Variants in ALK observed in about 807,000 individuals in gnomAD.
ALK encodes the protein ALK tyrosine kinase receptor.
ALK carries 74 observed loss-of-function variants against 163.1 expected under a neutral mutation model. The ratio of observed to expected loss-of-function variants is 0.45; its 90% CI spans 0.38 to 0.55. The LOEUF (loss-of-function observed/expected upper bound fraction) is 0.55, where lower values mean the gene tolerates loss of function less well. Ranked by LOEUF, ALK falls within the 20% of genes least tolerant of loss-of-function variation. The pLI, the probability that ALK is intolerant of heterozygous loss-of-function variation, is 0.00. For synonymous variants in ALK, 960 were observed against 843.2 expected, an observed-to-expected ratio of 1.14 and a Z score of -2.40; for missense variants, 2,063 against 2,105.3, an observed-to-expected ratio of 0.98 and a Z score of 0.39.
chr2:29,757,349 C>T (rs756713889), intron 1 of ALK, among the ~76,000 whole-genome samples: 1 of 152,086 alleles, frequency 6.6e-6, no homozygotes, highest in African/African-American at 2.4e-5. Flanking sequence ...TTGCAGTTGA[C>T]AAAGCCGAGG....
intron 4 of ALK, among the ~76,000 whole-genome samples, chr2:29,471,489 C>T (rs979130803): frequency 6.6e-6 from 1 of 152,166 alleles, no homozygotes; most frequent in Non-Finnish European, 1.5e-5. Flanking sequence ...ATTCTCAAAA[C>T]TCAATCCATA....
intron 1 of ALK, among the ~76,000 whole-genome samples, chr2:29,916,112 T>C (rs1402082738): frequency 2.0e-5 from 3 of 152,204 alleles, no homozygotes; most frequent in Non-Finnish European, 4.4e-5. Flanking sequence ...TGTGAAAATA[T>C]AGAACTGATT....
intron 4 of ALK, among the ~76,000 whole-genome samples, chr2:29,471,231 C>G (rs1473827179): frequency 2.0e-5 from 3 of 152,034 alleles, no homozygotes; most frequent in Admixed American, 6.5e-5. Context: ...GCAGTAAAAC[C>G]AATTTCACAC....
At chr2:29,866,771 A>G (rs953899663) in intron 1 of ALK, among the ~76,000 whole-genome samples, 1 of 152,218 alleles carries the variant, frequency 6.6e-6, no homozygotes, top group African/African-American at 2.4e-5. Context: ...AAATTCTTAA[A>G]GGCCTATTGA....
intron 3 of ALK, among the ~76,000 whole-genome samples, chr2:29,558,235 A>G (rs1673918558): frequency 6.6e-6 from 1 of 152,228 alleles, no homozygotes; most frequent in South Asian, 2.1e-4. Context: ...ACAGAGACAG[A>G]AAACTTTAGA....
At chr2:29,613,208 T>C (rs1467051029) in intron 3 of ALK, among the ~76,000 whole-genome samples, 2 of 152,218 alleles carry the variant, frequency 1.3e-5, no homozygotes, top group East Asian at 1.9e-4. Context: ...TCCCAAATTA[T>C]TTTTCGAATG....
rs544831287 is a variant in ALK at position 29,223,714 on chromosome 2, T to G, written c.3173-186A>C. 93 of 618,662 alleles carry G rather than the reference T, an allele frequency of 1.5e-4. No homozygotes were observed. In the African/African-American group the frequency reaches 1.6e-3, roughly 11 times the overall value. 38.3% of individuals were successfully genotyped at this position (618,662 alleles called of 1,614,324 possible). A position where few individuals can be genotyped will look rare whatever the true frequency, so the allele number is the denominator to read the frequency against. On this transcript the variant is annotated intron_variant, in intron 19 of 28. Transcript: ENST00000389048. ...GTGTGTCTTTAATTGAAGCATGATT[T>G]AAAGTAAATGCAAAGCTAAAAATCA...
At chr2:29,631,121 G>A (rs1013502959) in intron 3 of ALK, among the ~76,000 whole-genome samples, 2 of 152,200 alleles carry the variant, frequency 1.3e-5, no homozygotes, top group African/African-American at 2.4e-5. Context: ...AGTTATATAT[G>A]CAGCTTTAAG....
At chr2:29,744,752 G>T (rs1433184122) in intron 1 of ALK, among the ~76,000 whole-genome samples, 1 of 152,120 alleles carries the variant, frequency 6.6e-6, no homozygotes, top group African/African-American at 2.4e-5. Context: ...AACATCATCT[G>T]TAAGAGGCCT....
chr2:29,321,759 T>C (rs1235815325), intron 6 of ALK, among the ~76,000 whole-genome samples: 2 of 152,034 alleles, frequency 1.3e-5, no homozygotes, highest in African/African-American at 2.4e-5. Context: ...CACTGAGATA[T>C]GGGGTTTATT....
At chr2:29,581,298 G>A (rs1388306729) in intron 3 of ALK, among the ~76,000 whole-genome samples, 1 of 152,220 alleles carries the variant, frequency 6.6e-6, no homozygotes, top group East Asian at 1.9e-4. Flanking sequence ...TGAGGCAGGA[G>A]AATCGCTTGA....
intron 5 of ALK, among the ~76,000 whole-genome samples, chr2:29,359,185 A>T (rs372169400): frequency 5.3e-5 from 8 of 152,234 alleles, no homozygotes; most frequent in Non-Finnish European, 8.8e-5. Context: ...GCCTTTAGAA[A>T]AACTAACACT....
Position 29,413,996 on chromosome 2 carries a change from T to C in ALK, c.1155-30137A>G, listed in dbSNP as rs1356444821. On this transcript the variant is annotated intron_variant, in intron 4 of 28. Transcript: ENST00000389048. ...ATTATCATTATCAAGTACTATGTAC[T>C]GAACATAATTGTATGTGCTATACTT... Among the ~76,000 whole-genome samples the C allele has an allele frequency of 2.0e-5, 3 of 152,376 alleles. No individual in the cohort carries two copies. In the East Asian group the frequency reaches 5.8e-4, roughly 29 times the overall value.
At chr2:29,912,892 C>A (rs1055785808) in intron 1 of ALK, among the ~76,000 whole-genome samples, 1 of 152,054 alleles carries the variant, frequency 6.6e-6, no homozygotes, top group Admixed American at 6.5e-5. Context: ...CCCTCATGAA[C>A]TCACATTCCA....
intron 4 of ALK, among the ~76,000 whole-genome samples, chr2:29,436,733 TC>T (rs1670410034): frequency 6.6e-6 from 1 of 152,226 alleles, no homozygotes; most frequent in Admixed American, 6.5e-5. Context: ...CAATTTCCAC[TC>T]TGCACTTGTG....
At chr2:29,494,522 G>A (rs1431374523) in intron 4 of ALK, among the ~76,000 whole-genome samples, 1 of 152,132 alleles carries the variant, frequency 6.6e-6, no homozygotes, top group Non-Finnish European at 1.5e-5. Flanking sequence ...AGTCTTAAGG[G>A]GTGGGTGGGG....
At chr2:29,768,791 A>G (rs1258922956) in intron 1 of ALK, among the ~76,000 whole-genome samples, 1 of 151,546 alleles carries the variant, frequency 6.6e-6, no homozygotes, top group East Asian at 1.9e-4. Context: ...TAAAATGTTA[A>G]AAGTGGTCTG....
chr2:29,389,433 G>A (rs1475000147), intron 4 of ALK, among the ~76,000 whole-genome samples: 2 of 152,218 alleles, frequency 1.3e-5, no homozygotes, highest in African/African-American at 4.8e-5. Flanking sequence ...AGGCCACATA[G>A]ACAGTGTGTG....
chr2:29,465,221 T>C (rs1321711879), intron 4 of ALK, among the ~76,000 whole-genome samples: 1 of 152,138 alleles, frequency 6.6e-6, no homozygotes, highest in Admixed American at 6.5e-5. Flanking sequence ...AATATAAGAA[T>C]GGCAGCAGAC....
Sources: gnomAD v4.1 joint callset for allele counts (sites outside exome capture counted in the v4.1 genomes callset) on GRCh38, gnomAD v4.1.1 for gene constraint, MANE v1.5 for transcripts, NCBI Gene and HGNC (gene_info 2026-07-23, HGNC 2026-07-21) for gene names.